CAMK1D: variants seen among roughly 807,000 people sequenced by gnomAD.
CAMK1D encodes the protein calcium/calmodulin-dependent protein kinase type 1D.
CAMK1D carries 9 observed loss-of-function variants against 47.7 expected under a neutral mutation model. The ratio of observed to expected loss-of-function variants is 0.19; its 90% confidence interval spans 0.11 to 0.33. The LOEUF (loss-of-function observed/expected upper bound fraction) is 0.33, where lower values mean the gene tolerates loss of function less well. Among genes scored for constraint, CAMK1D ranks in the 10% least tolerant of loss-of-function variants. The pLI, the probability that CAMK1D is intolerant of heterozygous loss-of-function variation, is 1.00. For missense variants in CAMK1D, 291 were observed against 488.7 expected, an observed-to-expected ratio of 0.60 and a Z score of 3.81; for synonymous variants, 184 against 184.9, an observed-to-expected ratio of 0.99 and a Z score of 0.04.
At chr10:12,675,686 A>G (rs1000900821) in intron 3 of CAMK1D, among the ~76,000 whole-genome samples, 1 of 152,066 alleles carries the variant, frequency 6.6e-6, no homozygotes, top group African/African-American at 2.4e-5. Flanking sequence ...TGTTAGTCAG[A>G]TCTTATCACG....
intron 2 of CAMK1D, among the ~76,000 whole-genome samples, chr10:12,575,146 G>A (rs996900604): frequency 2.0e-5 from 3 of 151,922 alleles, no homozygotes; most frequent in Non-Finnish European, 2.9e-5. Flanking sequence ...AGGCTGTAGC[G>A]TAGTGGCACG....
At chr10:12,382,069 G>A (rs1838364282) in intron 1 of CAMK1D, among the ~76,000 whole-genome samples, 1 of 152,098 alleles carries the variant, frequency 6.6e-6, no homozygotes, top group African/African-American at 2.4e-5. Flanking sequence ...TTTTTTATCA[G>A]TGTTGTAATG....
chr10:12,535,882 G>C (rs764770607), intron 1 of CAMK1D, among the ~76,000 whole-genome samples: 3 of 152,144 alleles, frequency 2.0e-5, no homozygotes, highest in Non-Finnish European at 4.4e-5. Flanking sequence ...TGGAGTTGTG[G>C]TGTGTTATCT....
intron 1 of CAMK1D, among the ~76,000 whole-genome samples, chr10:12,401,065 T>TA (rs1247250722): frequency 4.4e-5 from 4 of 90,814 alleles, no homozygotes; most frequent in East Asian, 2.5e-4. Flanking sequence ...ATATATATAT[T>TA]TTATATATAT....
At chr10:12,356,131 C>G (rs1359668461) in intron 1 of CAMK1D, among the ~76,000 whole-genome samples, 1 of 148,442 alleles carries the variant, frequency 6.7e-6, no homozygotes, top group African/African-American at 2.5e-5. Context: ...GACTCCGTCT[C>G]AAAAAGAAAA....
chr10:12,768,021 T>A (rs1836859295), intron 4 of CAMK1D, among the ~76,000 whole-genome samples: 1 of 152,232 alleles, frequency 6.6e-6, no homozygotes, highest in Admixed American at 6.5e-5. Flanking sequence ...TACAGGCATG[T>A]GCCACCACGC....
At chr10:12,607,779 G>C (rs746582993) in intron 2 of CAMK1D, among the ~76,000 whole-genome samples, 3 of 152,086 alleles carry the variant, frequency 2.0e-5, no homozygotes, top group Non-Finnish European at 4.4e-5. Flanking sequence ...TAAGCAACAT[G>C]GTAAAACCTT....
intron 3 of CAMK1D, among the ~76,000 whole-genome samples, chr10:12,707,657 A>G (rs947664536): frequency 6.6e-6 from 1 of 152,242 alleles, no homozygotes; most frequent in African/African-American, 2.4e-5. Context: ...CTTAGAGGGC[A>G]GAGGCCAATT....
At chr10:12,646,656 G>A (rs1488069154) in intron 2 of CAMK1D, among the ~76,000 whole-genome samples, 1 of 152,066 alleles carries the variant, frequency 6.6e-6, no homozygotes, top group African/African-American at 2.4e-5. Context: ...GAAATGAAAC[G>A]TGATTAGCCT....
At chr10:12,601,183 TTG>T (rs1491339837) in intron 2 of CAMK1D, among the ~76,000 whole-genome samples, 7 of 21,700 alleles carry the variant, frequency 3.2e-4, no homozygotes, top group African/African-American at 4.7e-4. Context: ...TTTTTTTTTT[TTG>T]TTTGTTTGTT....
At chr10:12,787,012 G>A (rs1837754765) in intron 5 of CAMK1D, among the ~76,000 whole-genome samples, 1 of 152,134 alleles carries the variant, frequency 6.6e-6, no homozygotes, top group African/African-American at 2.4e-5. Context: ...AATCCCAGCT[G>A]CTGGGGAGAC....
chr10:12,791,893 G>A (rs1271041189), intron 6 of CAMK1D, among the ~76,000 whole-genome samples: 1 of 152,190 alleles, frequency 6.6e-6, no homozygotes, highest in African/African-American at 2.4e-5. Context: ...TAGCCACCAT[G>A]CAGTTTTCTG....
At chr10:12,522,768 G>A (rs560093640) in intron 1 of CAMK1D, among the ~76,000 whole-genome samples, 508 of 150,112 alleles carry the variant, frequency 3.4e-3, no homozygotes, top group Non-Finnish European at 5.3e-3. Context: ...TTCCCAGAAG[G>A]GGCGGCCGGG....
chr10:12,550,457 C>T (rs1419970632), intron 1 of CAMK1D, among the ~76,000 whole-genome samples: 2 of 152,122 alleles, frequency 1.3e-5, no homozygotes, highest in East Asian at 1.9e-4. Context: ...CCACCTGTCT[C>T]CCCCTGGCTT....
At chr10:12,476,007 T>A (rs746646778) in intron 1 of CAMK1D, among the ~76,000 whole-genome samples, 1 of 151,644 alleles carries the variant, frequency 6.6e-6, no homozygotes, top group Non-Finnish European at 1.5e-5. Context: ...AAGAGAGAAG[T>A]CTAGGCCGGG....
chr10:12,669,331 C>T (rs1450548178), intron 3 of CAMK1D, among the ~76,000 whole-genome samples: 1 of 152,118 alleles, frequency 6.6e-6, no homozygotes, highest in East Asian at 1.9e-4. Flanking sequence ...GTGGGATTAA[C>T]TGTTGGGGGA....
At chr10:12,439,647 C>T (rs138467678) in intron 1 of CAMK1D, among the ~76,000 whole-genome samples, 20 of 152,200 alleles carry the variant, frequency 1.3e-4, no homozygotes, top group African/African-American at 3.1e-4. Flanking sequence ...AGAGAGGGAT[C>T]GAGGACTTAC....
chr10:12,390,968 A>G (rs1267465716), intron 1 of CAMK1D, among the ~76,000 whole-genome samples: 2 of 151,948 alleles, frequency 1.3e-5, no homozygotes, highest in African/African-American at 2.4e-5. Flanking sequence ...GGGGTCAACT[A>G]ATGTGCTCAG....
chr10:12,662,714 T>A lies in CAMK1D; in HGVS notation c.225-4022T>A, dbSNP rs374113335. 8.5e-5 allele frequency among the ~76,000 whole-genome samples: 13 copies of A among 152,138 alleles called. 1 individual carries two copies. In the East Asian group the frequency reaches 1.5e-3, roughly 18 times the overall value. On this transcript the variant is annotated intron_variant, in intron 2 of 10. Coordinates refer to ENST00000619168, the MANE Select transcript of CAMK1D (RefSeq NM_153498.4). ...AGATTAAAATGATCTGGTGATTTAA[T>A]TGGCCCTAAACTGGATATTCAGTAA...
Sources: gnomAD v4.1 joint callset for allele counts (sites outside exome capture counted in the v4.1 genomes callset) on GRCh38, gnomAD v4.1.1 for gene constraint, MANE v1.5 for transcripts, NCBI Gene and HGNC (gene_info 2026-07-23, HGNC 2026-07-21) for gene names.